The following FHIT variants were observed in gnomAD, a reference collection of about 807,000 sequenced individuals.
The protein encoded by FHIT is bis(5'-adenosyl)-triphosphatase.
A neutral mutation model predicts 17.9 loss-of-function variants in FHIT; 19 were observed. The ratio of observed to expected loss-of-function variants is 1.06; its 90% CI spans 0.74 to 1.56. FHIT has a LOEUF of 1.56. FHIT is among the 40% of genes most tolerant of loss of function. FHIT has a pLI of 0.00. For synonymous variants in FHIT, 81 were observed against 69.7 expected (o/e 1.16, Z -0.81); for missense variants, 248 against 189.2 (o/e 1.31, Z -1.82).
chr3:60,622,464 AG>A (rs1479819665), intron 4 of FHIT, among the ~76,000 whole-genome samples: 2 of 152,100 alleles, frequency 1.3e-5, no homozygotes, highest in Non-Finnish European at 2.9e-5. Context: ...AGAAAGGCAA[AG>A]GGGGAATATA....
intron 5 of FHIT, among the ~76,000 whole-genome samples, chr3:60,341,987 TGAAAAAGAAAAAA>T (rs1710539042): frequency 6.6e-6 from 1 of 151,432 alleles, no homozygotes; most frequent in Admixed American, 6.6e-5. Context: ...ATTTATTGGG[TGAAAAAGAAAAAA>T]GAAAAAAAAC....
chr3:60,871,095 G>C (rs539419789), intron 3 of FHIT, among the ~76,000 whole-genome samples: 1 of 152,090 alleles, frequency 6.6e-6, no homozygotes, highest in South Asian at 2.1e-4. Flanking sequence ...TCCATCTGTG[G>C]TTCTTGCCTT....
intron 4 of FHIT, among the ~76,000 whole-genome samples, chr3:60,563,711 C>A (rs1225794996): frequency 1.3e-5 from 2 of 152,198 alleles, no homozygotes; most frequent in African/African-American, 2.4e-5. Context: ...AAAGCCTAAT[C>A]CAGAGCAAGG....
At chr3:60,749,905 A>C (rs1219936172) in intron 4 of FHIT, among the ~76,000 whole-genome samples, 2 of 152,222 alleles carry the variant, frequency 1.3e-5, no homozygotes, top group Non-Finnish European at 2.9e-5. Context: ...TAACAAGTGA[A>C]AGATACAAAG....
At position 59,987,858 on chromosome 3, in the gene FHIT, T is replaced by C. The variant is rs189871877; in HGVS notation, c.279+23513A>G. On this transcript the variant is annotated intron_variant, in intron 7 of 9. Transcript: ENST00000492590. ...TGGGGTACTAGAGATGTCTGCCCCA[T>C]CTAAAGTCTTATTTTTCTATTTCCT... 3.0e-3 allele frequency among the ~76,000 whole-genome samples: 456 copies of C among 152,162 alleles called. 2 individuals carry two copies. The highest frequency in any genetic ancestry group is 0.01 in the African/African-American group (430 of 41,546).
intron 4 of FHIT, among the ~76,000 whole-genome samples, chr3:60,751,416 C>A (rs2042463879): frequency 1.3e-5 from 2 of 152,046 alleles, no homozygotes; most frequent in African/African-American, 4.8e-5. Flanking sequence ...CACATATATC[C>A]AGTATTTACA....
At chr3:60,986,579 A>G (rs1028751684) in intron 3 of FHIT, among the ~76,000 whole-genome samples, 6 of 152,150 alleles carry the variant, frequency 3.9e-5, no homozygotes, top group Non-Finnish European at 5.9e-5. Flanking sequence ...TATGCTCCCA[A>G]ATTTCAAATT....
chr3:61,087,647 T>C (rs988198401), intron 2 of FHIT, among the ~76,000 whole-genome samples: 2 of 152,186 alleles, frequency 1.3e-5, no homozygotes, highest in Non-Finnish European at 2.9e-5. Context: ...AATAAGGCTC[T>C]GGAGCATCTG....
intron 2 of FHIT, among the ~76,000 whole-genome samples, chr3:61,053,827 C>T (rs2034117010): frequency 6.6e-6 from 1 of 152,104 alleles, no homozygotes; most frequent in Non-Finnish European, 1.5e-5. Context: ...AGAGAAATTA[C>T]TAGACAAGAA....
intron 5 of FHIT, among the ~76,000 whole-genome samples, chr3:60,420,389 CAATA>C (rs1251640772): frequency 1.3e-5 from 2 of 151,986 alleles, no homozygotes; most frequent in African/African-American, 2.4e-5. Flanking sequence ...AACAATGCTG[CAATA>C]AATAATTTTG....
chr3:59,754,676 C>T (rs1701110828), intron 8 of FHIT, among the ~76,000 whole-genome samples: 2 of 152,146 alleles, frequency 1.3e-5, no homozygotes, highest in African/African-American at 4.8e-5. Flanking sequence ...ATGTTAATGC[C>T]TTCCTGGTTA....
rs562457430 is a variant in FHIT at position 59,826,363 on chromosome 3, T to G, written c.349-74042A>C. ...TAATATAGTTCCCTTTTCCAGCAAC[T>G]TCCATTTGGTTTAACCTGTTCTTTA... is the stretch of plus-strand genomic sequence containing the variant. On this transcript the variant is annotated intron_variant, in intron 8 of 9. Coordinates refer to ENST00000492590, the MANE Select transcript of FHIT (RefSeq NM_002012.4). 1.4e-3 allele frequency among the ~76,000 whole-genome samples: 211 copies of G among 152,332 alleles called. 1 individual carries two copies. The highest frequency in any genetic ancestry group is 1.4e-3 in the Admixed American group (22 of 15,298).
intron 5 of FHIT, among the ~76,000 whole-genome samples, chr3:60,397,815 C>G (rs1701508369): frequency 6.6e-6 from 1 of 152,194 alleles, no homozygotes; most frequent in South Asian, 2.1e-4. Flanking sequence ...TTGATCCTCA[C>G]CTTTCACCTA....
intron 5 of FHIT, among the ~76,000 whole-genome samples, chr3:60,534,439 C>CAAAAAA (rs563992117): frequency 0.11 from 3,409 of 32,198 alleles, 526 homozygotes; most frequent in African/African-American, 0.16. Context: ...GACTCCGTCT[C>CAAAAAA]AAAAAAAAAA....
At chr3:61,223,121 A>T (rs2106834468) in intron 1 of FHIT, among the ~76,000 whole-genome samples, 1 of 152,334 alleles carries the variant, frequency 6.6e-6, no homozygotes, top group East Asian at 1.9e-4. Flanking sequence ...TGCTGCAATT[A>T]ATTAACAATA....
intron 3 of FHIT, among the ~76,000 whole-genome samples, chr3:60,873,827 A>C (rs2107083375): frequency 6.6e-6 from 1 of 152,282 alleles, no homozygotes. Context: ...TCAACAGCAA[A>C]GCCCTTTACA....
intron 4 of FHIT, among the ~76,000 whole-genome samples, chr3:60,766,079 T>G (rs1202328574): frequency 6.6e-6 from 1 of 152,180 alleles, no homozygotes; most frequent in Non-Finnish European, 1.5e-5. Context: ...CAGCCTATCC[T>G]GGGACTTTGC....
intron 7 of FHIT, among the ~76,000 whole-genome samples, chr3:59,929,960 G>C (rs1341512132): frequency 2.6e-5 from 4 of 151,702 alleles, no homozygotes; most frequent in African/African-American, 9.7e-5. Flanking sequence ...GGAAACACGA[G>C]TAAGGGAAGG....
chr3:59,820,848 G>A (rs564834773), intron 8 of FHIT, among the ~76,000 whole-genome samples: 2 of 152,290 alleles, frequency 1.3e-5, no homozygotes, highest in South Asian at 4.1e-4. Context: ...ACAGGCAGAA[G>A]CACAGAAGTT....
Sources: gnomAD v4.1 joint callset for allele counts (sites outside exome capture counted in the v4.1 genomes callset) on GRCh38, gnomAD v4.1.1 for gene constraint, MANE v1.5 for transcripts, NCBI Gene and HGNC (gene_info 2026-07-23, HGNC 2026-07-21) for gene names.